Variants in CCDC192 observed in about 807,000 individuals in gnomAD.
The protein encoded by CCDC192 is coiled-coil domain containing 192, also known as coiled-coil domain-containing protein 192.
chr5:127,795,843 T>G (rs970514287), intron 3 of CCDC192, among the ~76,000 whole-genome samples: 3 of 152,000 alleles, frequency 2.0e-5, no homozygotes, highest in African/African-American at 7.3e-5. Flanking sequence ...TCTAATAAAA[T>G]AGAAGGGTAG....
rs1435775900 is a variant in CCDC192, at chr5:127,706,976, T to C, written c.63-733T>C. On this transcript the variant is annotated intron_variant, in intron 1 of 6. Transcript: ENST00000514853. The stretch of plus-strand genomic sequence containing the variant: ...TGTGCTGGGAACTGAGTGAAGAAAG[T>C]ATTTCAGAGAGAGAGTGATAAGTCA... Among the ~76,000 whole-genome samples, 4 of 152,102 alleles carry C rather than the reference T, an allele frequency of 2.6e-5. No individual in the cohort carries two copies. In the East Asian group the frequency reaches 7.7e-4, roughly 29 times the overall value.
intron 6 of CCDC192, among the ~76,000 whole-genome samples, chr5:127,878,206 G>C (rs1752157594): frequency 6.6e-6 from 1 of 152,212 alleles, no homozygotes; most frequent in African/African-American, 2.4e-5. Flanking sequence ...AGGGAAGAAA[G>C]AAAGCATTTT....
chr5:127,904,276 G>A (rs895437712), intron 6 of CCDC192, among the ~76,000 whole-genome samples: 1 of 152,150 alleles, frequency 6.6e-6, no homozygotes, highest in Admixed American at 6.6e-5. Context: ...ATTTTAGCCC[G>A]GTGAAACCTA....
chr5:127,872,834 A>G (rs796126732), intron 5 of CCDC192, among the ~76,000 whole-genome samples: 1 of 152,288 alleles, frequency 6.6e-6, no homozygotes, highest in African/African-American at 2.4e-5. Context: ...GTATGCTGTA[A>G]TGTCTTCTCC....
chr5:127,833,916 A>G (rs1383499654), intron 5 of CCDC192, among the ~76,000 whole-genome samples: 3 of 152,158 alleles, frequency 2.0e-5, no homozygotes, highest in Admixed American at 2.0e-4. Context: ...TTAAGTGACA[A>G]TTAGAGATCA....
intron 3 of CCDC192, among the ~76,000 whole-genome samples, chr5:127,775,915 A>T (rs1354132742): frequency 2.0e-5 from 3 of 152,092 alleles, no homozygotes; most frequent in African/African-American, 4.8e-5. Flanking sequence ...TTCTGCCACG[A>T]TTGTGAGGCC....
intron 6 of CCDC192, among the ~76,000 whole-genome samples, chr5:127,897,742 T>C (rs1201310968): frequency 1.3e-5 from 2 of 152,200 alleles, no homozygotes; most frequent in Admixed American, 6.5e-5. Context: ...TTAGAATAGG[T>C]GTTCTAGTTT....
At chr5:127,827,986 A>G (rs1749612312) in intron 5 of CCDC192, among the ~76,000 whole-genome samples, 1 of 152,130 alleles carries the variant, frequency 6.6e-6, no homozygotes, top group Admixed American at 6.5e-5. Flanking sequence ...TGCTCACTGC[A>G]ACCTCTGCCT....
chr5:127,826,524 A>G (rs1192012260), intron 5 of CCDC192, among the ~76,000 whole-genome samples: 1 of 151,560 alleles, frequency 6.6e-6, no homozygotes, highest in African/African-American at 2.4e-5. Context: ...CATGGAATCA[A>G]CCCATCAACA....
intron 6 of CCDC192, among the ~76,000 whole-genome samples, chr5:127,911,752 G>A (rs245218): frequency 0.48 from 70,560 of 147,300 alleles, 17,265 homozygotes; most frequent in African/African-American, 0.51. Flanking sequence ...TGTCACCTAG[G>A]CTGGAATGCA....
chr5:127,938,943 G>T (rs768078980), intron 6 of CCDC192, among the ~76,000 whole-genome samples: 2 of 151,850 alleles, frequency 1.3e-5, no homozygotes, highest in African/African-American at 2.4e-5. Flanking sequence ...AAGGAAAGGT[G>T]AGAGCTTGGC....
chr5:127,790,538 T>C (rs939580450), intron 3 of CCDC192, among the ~76,000 whole-genome samples: 6 of 152,234 alleles, frequency 3.9e-5, no homozygotes, highest in Admixed American at 3.9e-4. Flanking sequence ...ACTGTACTAA[T>C]GAGTACTAGA....
At chr5:127,890,129 T>G (rs1188782606) in intron 6 of CCDC192, among the ~76,000 whole-genome samples, 1 of 152,042 alleles carries the variant, frequency 6.6e-6, no homozygotes, top group African/African-American at 2.4e-5. Context: ...ATCCCAGCAC[T>G]GTGGTAGGCC....
rs6888967 is a variant in CCDC192 at position 127,882,323 on chromosome 5, C to T, written c.535+6662C>T. On this transcript the variant is annotated intron_variant, in intron 6 of 6. Coordinates refer to ENST00000514853, the MANE Select transcript of CCDC192 (RefSeq NM_001317938.2). ...CCGGAAATATATTTCTTTGCCGACACCCCAGAGCCAATTCTCATTAATATT... is the reference window on the plus strand; with the variant it reads ...CCGGAAATATATTTCTTTGCCGACATCCCAGAGCCAATTCTCATTAATATT... Among the ~76,000 whole-genome samples, 583 of 152,246 alleles carry T rather than the reference C, an allele frequency of 3.8e-3. 3 individuals carry two copies. Among genetic ancestry groups the T allele is most frequent in the African/African-American group, 0.013 (550 of 41,542 alleles).
Position 127,877,158 on chromosome 5 carries a change from A to AT in CCDC192, c.535+1498dup, listed in dbSNP as rs199812848. On this transcript the variant is annotated intron_variant, in intron 6 of 6. Transcript: ENST00000514853. ...CCCGGTGCAAAAATATATATATATA[A>AT]TCGCAAGGTCTCTAATTCTTATTAG... Among the ~76,000 whole-genome samples the AT allele has an allele frequency of 6.0e-3, 910 of 152,270 alleles. 7 individuals carry two copies. Among genetic ancestry groups the AT allele is most frequent in the African/African-American group, 0.021 (853 of 41,554 alleles).
chr5:127,737,226 G>A (rs1753070183), intron 2 of CCDC192, among the ~76,000 whole-genome samples: 2 of 152,054 alleles, frequency 1.3e-5, no homozygotes, highest in South Asian at 4.1e-4. Context: ...CAGTTTCCAT[G>A]TAGTTGAGCG....
rs991331960 is a variant in CCDC192, at chr5:127,751,995, T to G, written c.115-2273T>G. Among the ~76,000 whole-genome samples, 271 of 152,052 alleles carry G rather than the reference T, an allele frequency of 1.8e-3. 3 individuals are homozygous for G. The highest frequency in any genetic ancestry group is 9.7e-4 in the Non-Finnish European group (66 of 67,908). ...TCCTTTAAGCACTTCTCTGTATTGG[T>G]TATTCTAGTTATACATTCTTCTAAA... On this transcript the variant is annotated intron_variant, in intron 2 of 6. Transcript: ENST00000514853.
chr5:127,850,371 A>G (rs62373537), intron 5 of CCDC192, among the ~76,000 whole-genome samples: 6,949 of 152,260 alleles, frequency 0.046, 211 homozygotes, highest in Non-Finnish European at 0.063. Flanking sequence ...GAATGCATCT[A>G]TCTCAATGGG....
chr5:127,880,839 A>T (rs975203483), intron 6 of CCDC192, among the ~76,000 whole-genome samples: 2 of 151,808 alleles, frequency 1.3e-5, no homozygotes, highest in Non-Finnish European at 2.9e-5. Context: ...AACTAGCTGG[A>T]TATGGTGGTG....
Sources: gnomAD v4.1 joint callset for allele counts (sites outside exome capture counted in the v4.1 genomes callset) on GRCh38, gnomAD v4.1.1 for gene constraint, MANE v1.5 for transcripts, NCBI Gene and HGNC (gene_info 2026-07-23, HGNC 2026-07-21) for gene names.